The following OSGEP variants were observed in gnomAD, a reference collection of about 807,000 sequenced individuals.
The protein encoded by OSGEP is O-sialoglycoprotein endopeptidase, also known as tRNA N6-adenosine threonylcarbamoyltransferase.
A neutral mutation model predicts 44.1 loss-of-function variants in OSGEP; 39 were observed. The observed-to-expected ratio is 0.88, with a 90% CI of 0.69 to 1.16. The LOEUF is 1.16. Among genes scored for constraint, OSGEP ranks in the 50% most tolerant of loss-of-function variants. The pLI, the probability that OSGEP is intolerant of heterozygous loss-of-function variation, is 0.00. For synonymous variants in OSGEP, 139 were observed against 161.9 expected, an observed-to-expected ratio of 0.86 and a Z score of 1.07; for missense variants, 403 against 443.1, an observed-to-expected ratio of 0.91 and a Z score of 0.81.
At position 20,447,277 on chromosome 14, in the gene OSGEP, T is replaced by A; in HGVS notation, c.971A>T (p.Tyr324Phe). 1 of 1,614,188 alleles carries A rather than the reference T, an allele frequency of 6.2e-7. No individual in the cohort carries two copies. The highest frequency in any genetic ancestry group is 8.5e-7 in the Non-Finnish European group (1 of 1,179,972). Residue 324 changes from tyrosine to phenylalanine, a missense_variant and splice_region_variant, in exon 11 of 11, where the codon TAT (tyrosine) becomes TTT (phenylalanine). By Grantham distance (22) the Tyr-to-Phe change is conservative. Coordinates refer to ENST00000206542, the MANE Select transcript of OSGEP (RefSeq NM_017807.4). ...PLSDSGVTQRYRTDEVEVTWR... is the reference protein window; with the variant it reads ...PLSDSGVTQRFRTDEVEVTWR... Reference sequence around the variant, plus strand: ...GGTCACCTCTACTTCATCTGTCCGATACCTGTGGAAAAACAGAAGAAACAT... The same window carrying A: ...GGTCACCTCTACTTCATCTGTCCGAAACCTGTGGAAAAACAGAAGAAACAT...
intron 2 of OSGEP, 86 bp from the exon 3 acceptor site, chr14:20,452,235 G>A (rs1410265494): frequency 5.0e-6 from 8 of 1,584,354 alleles, no homozygotes; most frequent in Non-Finnish European, 6.9e-6. Flanking sequence ...GTGGGGTAGG[G>A]GTAGTGATGG....
intron 1 of OSGEP, among the ~76,000 whole-genome samples, chr14:20,454,212 GA>G (rs1207674130): frequency 2.6e-5 from 4 of 152,034 alleles, no homozygotes; most frequent in South Asian, 2.1e-4. Flanking sequence ...AGGGCAACTG[GA>G]ATCTATACTC....
intron 3 of OSGEP, chr14:20,451,301 G>A: frequency 3.4e-6 from 1 of 292,832 alleles, no homozygotes; most frequent in Non-Finnish European, 6.6e-6. Context: ...GTTTTTTTTT[G>A]TTTTTTGTTT....
At chr14:20,453,123 A>G (rs2139295408) in intron 1 of OSGEP, among the ~76,000 whole-genome samples, 1 of 152,332 alleles carries the variant, frequency 6.6e-6, no homozygotes, top group East Asian at 1.9e-4. Context: ...TTAATCATGA[A>G]TATCTCAAAG....
chr14:20,452,419 G>C lies in OSGEP; in HGVS notation c.145C>G (p.His49Asp). 6.2e-7 allele frequency: 1 copy of C among 1,613,540 alleles called. No individual in the cohort carries two copies. The highest frequency in any genetic ancestry group is 8.5e-7 in the Non-Finnish European group (1 of 1,179,508). The change falls in exon 2 of 11, where the codon CAC becomes GAC. Residue 49 changes from histidine to aspartate, a missense_variant. Transcript: ENST00000206542. The part of the protein sequence containing the change: ...GFLPGDTARH[H>D]RAVILDLLQE... ...AGCAGGTCTAGGATAACAGCTCGGT[G>C]ATGCCTGGCTGTATCACCTGGAAGG...
chr14:20,448,379 C>CT (rs1881014070), intron 6 of OSGEP, among the ~76,000 whole-genome samples: 1 of 152,134 alleles, frequency 6.6e-6, no homozygotes, highest in Admixed American at 6.5e-5. Context: ...AATACTTGTC[C>CT]TGACATCTCT....
Position 20,447,649 on chromosome 14 carries a change from C to T in OSGEP, c.835G>A (p.Glu279Lys). The T allele has an allele frequency of 3.7e-6, 6 of 1,614,154 alleles. No individual in the cohort carries two copies. The highest frequency in any genetic ancestry group is 5.1e-6 in the Non-Finnish European group (6 of 1,179,972). The change falls in exon 9 of 11, where the codon GAA (glutamate) becomes AAA (lysine). Residue 279 changes from glutamate (E) to lysine (K), a missense_variant. Coordinates refer to ENST00000206542, the MANE Select transcript of OSGEP (RefSeq NM_017807.4). ...GTAGCAAAAAGCCGGGCTCCACGTT[C>T]CTGGCACATTGTTGCCATCATCTCC... ...LQEMMATMCQ[E>K]RGARLFATDE...
chr14:20,453,748 G>C (rs184192453), intron 1 of OSGEP, among the ~76,000 whole-genome samples: 30 of 152,320 alleles, frequency 2.0e-4, no homozygotes, highest in Admixed American at 5.2e-4. Flanking sequence ...CCAGGCCCGA[G>C]CGGTGGCTCA....
rs769441865 is a variant in OSGEP, at chr14:20,447,581, A to C, written c.869+34T>G. ...GGTGGAAAATCACTATAACAGGAGA[A>C]GTAAAAAAGAAACCAAAGGGAAAGT... On this transcript the variant is annotated intron_variant, in intron 9 of 10. Coordinates refer to ENST00000206542, the MANE Select transcript of OSGEP (RefSeq NM_017807.4). 8 of 1,609,194 alleles carry C rather than the reference A, an allele frequency of 5.0e-6. No individual in the cohort carries two copies. In the South Asian group the frequency reaches 8.8e-5, roughly 18 times the overall value.
chr14:20,452,768 T>A (rs1881138217), intron 1 of OSGEP, among the ~76,000 whole-genome samples: 1 of 151,198 alleles, frequency 6.6e-6, no homozygotes, highest in Non-Finnish European at 1.5e-5. Context: ...TGGAGTGCAG[T>A]GGCACGATCT....
In OSGEP at chr14:20,451,968, A is replaced by G; in HGVS notation, c.411+6T>C. 6.3e-7 allele frequency: 1 copy of G among 1,590,396 alleles called. No individual in the cohort carries two copies. The highest frequency in any genetic ancestry group is 8.6e-7 in the Non-Finnish European group (1 of 1,167,134). ...TGAGATGGAGTGGGTAGAGCCCTCT[A>G]AATACCTGCGTATTTCCTCCACTCA... On this transcript the variant is annotated splice_donor_region_variant and intron_variant, in intron 3 of 10. Transcript: ENST00000206542.
At chr14:20,447,783 C>T (rs1286212410) in intron 8 of OSGEP, 93 bp from the exon 9 acceptor site, 1 of 1,252,890 alleles carries the variant, frequency 8.0e-7, no homozygotes, top group African/African-American at 1.5e-5. Flanking sequence ...AGAACAATGA[C>T]ATAGGGGATT....
At chr14:20,448,666 TAA>T in intron 6 of OSGEP, 65 bp downstream of exon 6, 1 of 1,119,156 alleles carries the variant, frequency 8.9e-7, no homozygotes, top group South Asian at 1.2e-5. Context: ...AATATAATCG[TAA>T]GTAAAACAGA....
chr14:20,451,819 T>C, intron 3 of OSGEP, 155 bp downstream of exon 3: 1 of 600,916 alleles, frequency 1.7e-6, no homozygotes, highest in South Asian at 3.3e-5. Context: ...ATTTGCAATG[T>C]TACAAACTCT....
Position 20,449,186 on chromosome 14 carries a change from A to C in OSGEP, c.492T>G (p.Phe164Leu), listed in dbSNP as rs1881033122. The C allele has an allele frequency of 6.2e-7, 1 of 1,612,370 alleles. No individual in the cohort carries two copies. Among genetic ancestry groups the C allele is most frequent in the Non-Finnish European group, 8.5e-7 (1 of 1,178,304 alleles). Residue 164 changes from phenylalanine to leucine, a missense_variant, in exon 4 of 11, where the codon TTT becomes TTG. By Grantham distance (22) the Phe-to-Leu change is conservative. Coordinates refer to ENST00000206542, the MANE Select transcript of OSGEP (RefSeq NM_017807.4). ...ACTGGCTTACCTTCAGCACTCGAGC[A>C]AAACGATCCAGACAATTACCCACTG... The part of the protein sequence containing the change: ...DIAVGNCLDR[F>L]ARVLKISNDP...
rs567426593 is a variant in OSGEP, at chr14:20,452,323, C to T, written c.235+6G>A. The T allele has an allele frequency of 6.2e-7, 1 of 1,613,338 alleles. No homozygotes were observed. The highest frequency in any genetic ancestry group is 1.3e-5 in the African/African-American group (1 of 75,018). On this transcript the variant is annotated splice_donor_region_variant and intron_variant, in intron 2 of 10. Transcript: ENST00000206542. ...CCTCCATCGTTGACCACTCTCCCAG[C>T]CATACCCTTGGTGTATGCAATGCAG...
In OSGEP at chr14:20,447,621, T is replaced by C; in HGVS notation, c.863A>G (p.Asp288Gly). The C allele has an allele frequency of 6.2e-7, 1 of 1,613,924 alleles. No homozygotes were observed. Among genetic ancestry groups the C allele is most frequent in the African/African-American group, 1.3e-5 (1 of 75,028 alleles). The part of the protein sequence containing the change: ...QERGARLFAT[D>G]ERFCIDNGAM... ...AAAGGGAAAGTGTCTTTACCTCTCA[T>C]CTGTAGCAAAAAGCCGGGCTCCACG... The change falls in exon 9 of 11, where the codon GAT becomes GGT. Residue 288 changes from aspartate (D) to glycine (G), a missense_variant. Transcript: ENST00000206542.
intron 2 of OSGEP, 71 bp from the exon 3 acceptor site, chr14:20,452,220 G>A: frequency 6.3e-7 from 1 of 1,580,254 alleles, no homozygotes; most frequent in African/African-American, 1.3e-5. Context: ...CATAAGGGAT[G>A]TGAGGTGGGG....
At chr14:20,454,289 G>T (rs1353843093) in intron 1 of OSGEP, among the ~76,000 whole-genome samples, 1 of 152,102 alleles carries the variant, frequency 6.6e-6, no homozygotes, top group African/African-American at 2.4e-5. Context: ...TCATGCTGTA[G>T]TATAAACATC....
Sources: allele counts gnomAD v4.1 joint callset (sites outside exome capture counted in the v4.1 genomes callset), GRCh38; gene constraint gnomAD v4.1.1; transcripts MANE v1.5; gene names NCBI Gene and HGNC (gene_info 2026-07-23, HGNC 2026-07-21).